SLC4A4: variants seen among roughly 807,000 people sequenced by gnomAD.
The protein encoded by SLC4A4 is electrogenic sodium bicarbonate cotransporter 1.
Under a neutral mutation model 111.5 loss-of-function variants are expected in SLC4A4, and 27 were observed. The ratio of observed to expected loss-of-function variants is 0.24; its 90% CI spans 0.18 to 0.33. The LOEUF is 0.33. SLC4A4 is among the 10% of genes least tolerant of loss of function. The pLI is 1.00. For synonymous variants in SLC4A4, 443 were observed against 463.4 expected, an observed-to-expected ratio of 0.96 and a Z score of 0.57; for missense variants, 909 against 1,315.5, an observed-to-expected ratio of 0.69 and a Z score of 4.78.
At position 71,376,224 on chromosome 4, in the gene SLC4A4, CG is replaced by C. The variant is rs556413473; in HGVS notation, c.730+19039del. 2.0e-5 allele frequency among the ~76,000 whole-genome samples: 3 copies of C among 149,278 alleles called. No individual in the cohort carries two copies. The South Asian group carries it at 6.4e-4, about 32-fold the overall frequency. ...ATGTGTGTATATATATTTTTTGAGACGGAGTCTCGCTCTGTCACCCAGGCTG... is the reference window on the plus strand; with the variant it reads ...ATGTGTGTATATATATTTTTTGAGACGAGTCTCGCTCTGTCACCCAGGCTG... On this transcript the variant is annotated intron_variant, in intron 6 of 25. Transcript: ENST00000264485.
intron 1 of SLC4A4, among the ~76,000 whole-genome samples, chr4:71,219,912 G>A (rs1014716106): frequency 7.2e-5 from 11 of 152,202 alleles, no homozygotes; most frequent in African/African-American, 2.7e-4. Flanking sequence ...TTGAATGGAT[G>A]GGGAGTCACT....
intron 1 of SLC4A4, among the ~76,000 whole-genome samples, chr4:71,195,255 T>A (rs1745939025): frequency 2.2e-5 from 3 of 138,990 alleles, no homozygotes; most frequent in Admixed American, 7.1e-5. Context: ...TTTTTTTTTT[T>A]AAAGAGCTTA....
chr4:71,217,306 G>A (rs1718490499), intron 1 of SLC4A4, among the ~76,000 whole-genome samples: 2 of 152,162 alleles, frequency 1.3e-5, no homozygotes, highest in South Asian at 2.1e-4. Context: ...GGTGGCTCAC[G>A]CCTGTAATCC....
At chr4:71,316,935 TG>T (rs1476825556) in intron 3 of SLC4A4, among the ~76,000 whole-genome samples, 1 of 152,104 alleles carries the variant, frequency 6.6e-6, no homozygotes, top group Admixed American at 6.6e-5. Context: ...TTTCTCAGGC[TG>T]GACTTGAACT....
intron 2 of SLC4A4, among the ~76,000 whole-genome samples, chr4:71,154,576 C>T (rs988806849): frequency 5.3e-5 from 8 of 151,912 alleles, no homozygotes; most frequent in African/African-American, 1.9e-4. Flanking sequence ...AGTTAACAAC[C>T]GGGATTGATA....
At chr4:71,450,647 A>G (rs1725677635) in intron 10 of SLC4A4, 104 bp downstream of exon 10, 1 of 1,119,986 alleles carries the variant, frequency 8.9e-7, no homozygotes. Context: ...TAATATTTTC[A>G]GGTTCCTGTT....
At chr4:71,306,697 A>G (rs929673288) in intron 3 of SLC4A4, among the ~76,000 whole-genome samples, 8 of 152,240 alleles carry the variant, frequency 5.3e-5, no homozygotes, top group Non-Finnish European at 1.2e-4. Flanking sequence ...AATGAAAGTT[A>G]GCAATTTTTA....
intron 7 of SLC4A4, 68 bp downstream of exon 7, chr4:71,397,721 T>A: frequency 7.4e-7 from 1 of 1,353,220 alleles, no homozygotes; most frequent in Middle Eastern, 1.8e-4. Context: ...TGAGAAAGGA[T>A]TAGAGGTGAT....
intron 3 of SLC4A4, among the ~76,000 whole-genome samples, chr4:71,285,070 T>A (rs1723803805): frequency 6.6e-6 from 1 of 152,058 alleles, no homozygotes; most frequent in South Asian, 2.1e-4. Context: ...CTGGGCAGAG[T>A]CTCAGTAGTC....
intron 2 of SLC4A4, among the ~76,000 whole-genome samples, chr4:71,243,052 C>CT (rs965783455): frequency 6.6e-6 from 1 of 152,116 alleles, no homozygotes; most frequent in Admixed American, 6.6e-5. Context: ...GTTAAATTGT[C>CT]TTTTTTTCCA....
At chr4:71,217,942 G>T (rs1032424485) in intron 1 of SLC4A4, among the ~76,000 whole-genome samples, 19 of 152,186 alleles carry the variant, frequency 1.2e-4, no homozygotes, top group African/African-American at 4.6e-4. Context: ...GTGAGCTGGG[G>T]GGACTGTGAA....
At chr4:71,208,647 A>G (rs1033676268) in intron 1 of SLC4A4, among the ~76,000 whole-genome samples, 1 of 151,904 alleles carries the variant, frequency 6.6e-6, no homozygotes, top group Admixed American at 6.6e-5. Context: ...ATCTCATTTA[A>G]TGATTTATTA....
At chr4:71,248,814 T>C (rs944172284) in intron 2 of SLC4A4, among the ~76,000 whole-genome samples, 6 of 152,190 alleles carry the variant, frequency 3.9e-5, no homozygotes, top group Non-Finnish European at 4.4e-5. Flanking sequence ...CTTCAGTATG[T>C]GGTCTTAGGC....
At chr4:71,372,276 C>A (rs1731963448) in intron 6 of SLC4A4, among the ~76,000 whole-genome samples, 1 of 152,176 alleles carries the variant, frequency 6.6e-6, no homozygotes. Flanking sequence ...GAGCCTAGAG[C>A]TCTTATCCAT....
chr4:71,304,251 G>A (rs1029651246), intron 3 of SLC4A4, among the ~76,000 whole-genome samples: 1 of 152,194 alleles, frequency 6.6e-6, no homozygotes, highest in Non-Finnish European at 1.5e-5. Context: ...AAGTCCCACA[G>A]TCTGCTGTCT....
chr4:71,349,792 C>A, intron 4 of SLC4A4, 120 bp from the exon 5 acceptor site: 1 of 871,218 alleles, frequency 1.1e-6, no homozygotes, highest in Non-Finnish European at 1.9e-6. Context: ...GCTATTAATA[C>A]TCCACAAAAA....
chr4:71,190,385 T>TACAC (rs5859253), intron 1 of SLC4A4, among the ~76,000 whole-genome samples: 2,769 of 143,702 alleles, frequency 0.019, 72 homozygotes, highest in African/African-American at 0.056. Flanking sequence ...TATGTATGTT[T>TACAC]ACACACACAC....
chr4:71,482,604 C>T (rs907866250), intron 14 of SLC4A4, among the ~76,000 whole-genome samples: 2 of 151,528 alleles, frequency 1.3e-5, no homozygotes, highest in Non-Finnish European at 3.0e-5. Flanking sequence ...GCAAAAAGAC[C>T]TTCAAACTCT....
At chr4:71,346,866 A>G (rs1729375839) in intron 4 of SLC4A4, among the ~76,000 whole-genome samples, 1 of 152,130 alleles carries the variant, frequency 6.6e-6, no homozygotes, top group African/African-American at 2.4e-5. Context: ...TTTAATAGGC[A>G]TTTTTCCAGA....
Sources: gnomAD v4.1 joint callset for allele counts (sites outside exome capture counted in the v4.1 genomes callset) on GRCh38, gnomAD v4.1.1 for gene constraint, MANE v1.5 for transcripts, NCBI Gene and HGNC (gene_info 2026-07-23, HGNC 2026-07-21) for gene names.